The following TP53BP1 variants were observed in gnomAD, a reference collection of about 807,000 sequenced individuals.
The protein encoded by TP53BP1 is tumor protein p53 binding protein 1.
A neutral mutation model predicts 200.8 loss-of-function variants in TP53BP1; 61 were observed. The observed-to-expected ratio is 0.30, with a 90% CI of 0.25 to 0.38. The LOEUF (loss-of-function observed/expected upper bound fraction) is 0.38, where lower values mean the gene tolerates loss of function less well. Among genes scored for constraint, TP53BP1 ranks in the 10% least tolerant of loss-of-function variants. The pLI is 1.00. For synonymous variants in TP53BP1, 822 were observed against 844.3 expected (o/e 0.97, Z 0.46); for missense variants, 2,144 against 2,371.9 (o/e 0.90, Z 2.00).
rs549317535 is a variant in TP53BP1, at chr15:43,484,899, CA to C, written c.372-3878del. On this transcript the variant is annotated intron_variant, in intron 4 of 27. Transcript: ENST00000382044. ...CCATGTAGCTGGGATCACAGGCGCA[CA>C]CTACCATGCCTGGCTTACTGTGTAT... is the stretch of plus-strand genomic sequence containing the variant. Among the ~76,000 whole-genome samples, 5 of 152,160 alleles carry C rather than the reference CA, an allele frequency of 3.3e-5. No homozygotes were observed. The South Asian group carries it at 1.0e-3, about 32-fold the overall frequency.
At chr15:43,447,507 AAAAAG>A (rs771238862) in intron 12 of TP53BP1, 22 bp from the exon 13 acceptor site, 4 of 1,467,332 alleles carry the variant, frequency 2.7e-6, no homozygotes, top group Admixed American at 5.0e-5. Context: ...AAAAAAAAGA[AAAAAG>A]AAAGAAAGAA....
chr15:43,447,098 G>C (rs2046059796), intron 13 of TP53BP1: 1 of 462,072 alleles, frequency 2.2e-6, no homozygotes, highest in Non-Finnish European at 4.0e-6. Flanking sequence ...TTAGCACTCA[G>C]ATTCTACTGC....
At chr15:43,467,449 T>C (rs987667668) in intron 11 of TP53BP1, among the ~76,000 whole-genome samples, 2 of 152,210 alleles carry the variant, frequency 1.3e-5, no homozygotes, top group African/African-American at 2.4e-5. Flanking sequence ...CAAAGAAACC[T>C]GATTAGAGTC....
chr15:43,496,808 G>A (rs1210870585), upstream of TP53BP1, among the ~76,000 whole-genome samples: 1 of 152,058 alleles, frequency 6.6e-6, no homozygotes, highest in African/African-American at 2.4e-5. Context: ...TTTTAGTAGA[G>A]ACAGAGTTTC....
intron 15 of TP53BP1, among the ~76,000 whole-genome samples, chr15:43,440,675 C>T (rs188996328): frequency 9.2e-5 from 14 of 152,134 alleles, no homozygotes; most frequent in African/African-American, 3.4e-4. Context: ...ATCACTTGAG[C>T]CCAGGAGTTC....
intron 18 of TP53BP1, among the ~76,000 whole-genome samples, chr15:43,427,017 C>CAA (rs1230749433): frequency 3.1e-4 from 21 of 67,650 alleles, no homozygotes; most frequent in African/African-American, 5.8e-4. Flanking sequence ...GACTCTGCCT[C>CAA]AAAAAAAAAA....
intron 26 of TP53BP1, chr15:43,408,430 G>A (rs981058811): frequency 1.1e-5 from 3 of 276,488 alleles, no homozygotes; most frequent in East Asian, 8.8e-5. Flanking sequence ...GCAGTAAGTC[G>A]TCACTGCGCC....
chr15:43,407,852 A>G (rs1365865733), intron 27 of TP53BP1, 91 bp downstream of exon 27: 2 of 1,312,092 alleles, frequency 1.5e-6, no homozygotes, highest in Non-Finnish European at 2.1e-6. Flanking sequence ...CGGTCAACCT[A>G]TTAGGCCTGA....
chr15:43,405,448 A>T lies in TP53BP1; in HGVS notation c.*1935T>A. ...ACATGTGGCATCTCTGATCCTTTACATTGAGAACATTTGTTGGATATGTTC... is the reference window on the plus strand; with the variant it reads ...ACATGTGGCATCTCTGATCCTTTACTTTGAGAACATTTGTTGGATATGTTC... On this transcript the variant is annotated 3_prime_UTR_variant, in exon 28 of 28. Coordinates refer to ENST00000382044, the MANE Select transcript of TP53BP1 (RefSeq NM_001141980.3). The T allele has an allele frequency of 1.7e-6, 1 of 581,752 alleles. No individual in the cohort carries two copies. Among genetic ancestry groups the T allele is most frequent in the Non-Finnish European group, 3.1e-6 (1 of 326,698 alleles). 36.0% of individuals were successfully genotyped at this position (581,752 alleles called of 1,614,324 possible).
rs528167739 is a variant in TP53BP1, at chr15:43,416,421, G to C, written c.4682-5C>G. The stretch of plus-strand genomic sequence containing the variant: ...TCCTATGTCCTTTCACCACTCCTGG[G>C]GGGTGGAAAGCATAAAAGAAGCTTG... On this transcript the variant is annotated splice_polypyrimidine_tract_variant and splice_region_variant and intron_variant, in intron 21 of 27. Coordinates refer to ENST00000382044, the MANE Select transcript of TP53BP1 (RefSeq NM_001141980.3). The C allele has an allele frequency of 5.0e-6, 8 of 1,612,916 alleles. No homozygotes were observed. Among genetic ancestry groups the C allele is most frequent in the South Asian group, 4.4e-5 (4 of 90,972 alleles).
upstream of TP53BP1, among the ~76,000 whole-genome samples, chr15:43,493,482 C>G (rs566804506): frequency 2.0e-5 from 3 of 152,276 alleles, no homozygotes; most frequent in African/African-American, 4.8e-5. Context: ...CCTTAATCCC[C>G]GTCCCTCACC....
In TP53BP1 at chr15:43,468,110, A is replaced by C. The variant is rs2046635063; in HGVS notation, c.1389+1748T>G. Among the ~76,000 whole-genome samples the C allele has an allele frequency of 3.3e-5, 5 of 149,402 alleles. No homozygotes were observed. In the South Asian group the frequency reaches 1.1e-3, roughly 31 times the overall value. ...AGATTTATAACTTTTTTTTTTTTTG[A>C]GACAGGGTCTTGCTATTTTGCCCAA... On this transcript the variant is annotated intron_variant, in intron 11 of 27. Coordinates refer to ENST00000382044, the MANE Select transcript of TP53BP1 (RefSeq NM_001141980.3).
chr15:43,479,339 G>C, intron 7 of TP53BP1, 58 bp downstream of exon 7: 1 of 1,465,718 alleles, frequency 6.8e-7, no homozygotes, highest in Admixed American at 2.4e-5. Flanking sequence ...CTGGTAAAAT[G>C]ACATTAGTAT....
At chr15:43,501,600 G>A (rs529507746) in intron 1 of TP53BP1, among the ~76,000 whole-genome samples, 9 of 152,270 alleles carry the variant, frequency 5.9e-5, no homozygotes, top group African/African-American at 2.2e-4. Context: ...ACTCCAGAGA[G>A]TTATTCATGG....
At chr15:43,451,676 T>A (rs1033480727) in intron 12 of TP53BP1, among the ~76,000 whole-genome samples, 1 of 152,194 alleles carries the variant, frequency 6.6e-6, no homozygotes, top group Non-Finnish European at 1.5e-5. Context: ...GCAGCATGAT[T>A]TATAGTCCTT....
At chr15:43,470,269 G>T (rs147191288) in intron 10 of TP53BP1, among the ~76,000 whole-genome samples, 2 of 152,174 alleles carry the variant, frequency 1.3e-5, no homozygotes, top group Admixed American at 6.5e-5. Context: ...AGCAGTCCAA[G>T]CTCCTATTTT....
chr15:43,408,622 AT>A, intron 26 of TP53BP1: 1 of 430,096 alleles, frequency 2.3e-6, no homozygotes, highest in Non-Finnish European at 4.3e-6. Context: ...GAGCCTATAT[AT>A]TTTTAATGCT....
chr15:43,489,356 G>A (rs2079089638), intron 4 of TP53BP1, among the ~76,000 whole-genome samples: 1 of 152,204 alleles, frequency 6.6e-6, no homozygotes, highest in Non-Finnish European at 1.5e-5. Flanking sequence ...AATGAGGGAC[G>A]TGCATACTTC....
intron 18 of TP53BP1, 99 bp from the exon 19 acceptor site, chr15:43,422,225 T>A: frequency 2.2e-6 from 3 of 1,346,572 alleles, no homozygotes; most frequent in Admixed American, 2.3e-5. Context: ...AAATTATAAT[T>A]CAAAAAGGTG....
Sources: allele counts gnomAD v4.1 joint callset (sites outside exome capture counted in the v4.1 genomes callset), GRCh38; gene constraint gnomAD v4.1.1; transcripts MANE v1.5; gene names NCBI Gene and HGNC (gene_info 2026-07-23, HGNC 2026-07-21).